SHC3: variants seen among roughly 807,000 people sequenced by gnomAD.
SHC3 encodes SHC adaptor protein 3, also known as SHC-transforming protein 3.
Under a neutral mutation model 60.4 loss-of-function variants are expected in SHC3, and 15 were observed. That is an observed-to-expected ratio of 0.25 (90% CI 0.17 to 0.38). The LOEUF is 0.38. SHC3 is among the 10% of genes least tolerant of loss of function. SHC3 has a pLI of 1.00. For missense variants in SHC3, 677 were observed against 786.1 expected (o/e 0.86, Z 1.66); for synonymous variants, 294 against 325.9 (o/e 0.90, Z 1.05).
chr9:89,052,903 C>T (rs568242316), intron 6 of SHC3, among the ~76,000 whole-genome samples: 7 of 152,306 alleles, frequency 4.6e-5, no homozygotes, highest in African/African-American at 1.7e-4. Flanking sequence ...AGTCCTTATG[C>T]TTGAAGCAGG....
At chr9:89,139,374 T>G (rs1448503456) in intron 1 of SHC3, among the ~76,000 whole-genome samples, 1 of 152,214 alleles carries the variant, frequency 6.6e-6, no homozygotes, top group Non-Finnish European at 1.5e-5. Context: ...ATGGTAAGAC[T>G]GTTTTGCTTT....
At chr9:89,173,444 T>C (rs541951910) in intron 1 of SHC3, among the ~76,000 whole-genome samples, 1 of 152,402 alleles carries the variant, frequency 6.6e-6, no homozygotes, top group East Asian at 1.9e-4. Flanking sequence ...TAAGACACCG[T>C]GCGGAGGCAG....
chr9:89,091,533 G>C (rs1013057722), intron 2 of SHC3, among the ~76,000 whole-genome samples: 4 of 152,206 alleles, frequency 2.6e-5, no homozygotes, highest in Admixed American at 1.3e-4. Context: ...CAGTGAAGGA[G>C]ATTGTCAAGA....
chr9:89,156,802 T>A lies in SHC3; in HGVS notation c.474+21185A>T, dbSNP rs369575202. Among the ~76,000 whole-genome samples, 7 of 152,190 alleles carry A rather than the reference T, an allele frequency of 4.6e-5. No homozygotes were observed. In the East Asian group the frequency reaches 1.4e-3, roughly 29 times the overall value. On this transcript the variant is annotated intron_variant, in intron 1 of 11. Coordinates refer to ENST00000375835, the MANE Select transcript of SHC3 (RefSeq NM_016848.6). Reference sequence around the variant, plus strand: ...AGGGGCCTGGAGAAGGTCATGCCTATGAACCAGAGCTCACCTTCTTTTCTG... The same window carrying A: ...AGGGGCCTGGAGAAGGTCATGCCTAAGAACCAGAGCTCACCTTCTTTTCTG...
intron 11 of SHC3, among the ~76,000 whole-genome samples, chr9:89,024,487 C>T (rs1826255331): frequency 6.6e-6 from 1 of 152,108 alleles, no homozygotes; most frequent in South Asian, 2.1e-4. Flanking sequence ...AGTGCAGTGA[C>T]AAGTGAGGAG....
chr9:89,051,009 G>T (rs573267252), intron 7 of SHC3, among the ~76,000 whole-genome samples: 1 of 151,894 alleles, frequency 6.6e-6, no homozygotes, highest in Non-Finnish European at 1.5e-5. Context: ...TCCTGCAGAG[G>T]CACCTCCAAA....
At chr9:89,066,545 C>A (rs1418850334) in intron 5 of SHC3, among the ~76,000 whole-genome samples, 2 of 152,086 alleles carry the variant, frequency 1.3e-5, no homozygotes, top group Non-Finnish European at 2.9e-5. Context: ...AATTCATAAA[C>A]AAATAAGCAG....
intron 2 of SHC3, among the ~76,000 whole-genome samples, chr9:89,094,005 G>GA (rs1825663453): frequency 1.3e-5 from 2 of 151,238 alleles, no homozygotes; most frequent in Admixed American, 1.3e-4. Context: ...TCAGGAGGCT[G>GA]AAGCAGGATA....
At chr9:89,169,208 T>G (rs1318186114) in intron 1 of SHC3, among the ~76,000 whole-genome samples, 1 of 152,218 alleles carries the variant, frequency 6.6e-6, no homozygotes, top group Non-Finnish European at 1.5e-5. Flanking sequence ...GAAGAGGCCC[T>G]GCCGGACACT....
intron 1 of SHC3, among the ~76,000 whole-genome samples, chr9:89,131,066 TA>T (rs1249993017): frequency 6.6e-6 from 1 of 151,996 alleles, no homozygotes; most frequent in African/African-American, 2.4e-5. Context: ...TAAAAAATGA[TA>T]AAGGGGATAT....
intron 4 of SHC3, among the ~76,000 whole-genome samples, chr9:89,074,428 T>G (rs1226392358): frequency 6.6e-6 from 1 of 152,112 alleles, no homozygotes; most frequent in Non-Finnish European, 1.5e-5. Flanking sequence ...AAGTGCCTTG[T>G]TGGTAGCTAA....
chr9:89,120,525 G>A (rs113002705), intron 1 of SHC3, among the ~76,000 whole-genome samples: 7 of 152,286 alleles, frequency 4.6e-5, no homozygotes, highest in Non-Finnish European at 8.8e-5. Flanking sequence ...CCAGCAGAAT[G>A]GTCAAATTTG....
chr9:89,027,781 G>A (rs1361082289), intron 11 of SHC3, among the ~76,000 whole-genome samples: 1 of 152,160 alleles, frequency 6.6e-6, no homozygotes, highest in Non-Finnish European at 1.5e-5. Context: ...CAGAAAAGAT[G>A]GAAGTATATT....
chr9:89,145,322 C>T lies in SHC3; in HGVS notation c.474+32665G>A, dbSNP rs74412956. 5.7e-3 allele frequency among the ~76,000 whole-genome samples: 872 copies of T among 152,292 alleles called. 11 individuals carry two copies. The highest frequency in any genetic ancestry group is 0.026 in the Admixed American group (401 of 15,296). On this transcript the variant is annotated intron_variant, in intron 1 of 11. Coordinates refer to ENST00000375835, the MANE Select transcript of SHC3 (RefSeq NM_016848.6). ...AAAGTAAAAGTTGCCAAGAGAATGC[C>T]TTGTATAGATGGACTTCATTCTGCT...
intron 5 of SHC3, among the ~76,000 whole-genome samples, chr9:89,067,305 G>A (rs1298328560): frequency 1.3e-5 from 2 of 152,246 alleles, no homozygotes; most frequent in African/African-American, 2.4e-5. Context: ...TAGATTTCAA[G>A]CTGAAATTCA....
chr9:89,050,367 C>A (rs959049579), intron 7 of SHC3, among the ~76,000 whole-genome samples: 2 of 152,202 alleles, frequency 1.3e-5, no homozygotes, highest in Non-Finnish European at 2.9e-5. Flanking sequence ...CTTACTGCAA[C>A]CGCCACCTCC....
chr9:89,132,333 C>T (rs1158076375), intron 1 of SHC3, among the ~76,000 whole-genome samples: 2 of 152,138 alleles, frequency 1.3e-5, no homozygotes, highest in Admixed American at 1.3e-4. Flanking sequence ...GGCCATACTG[C>T]CCAAGGTAAT....
chr9:89,162,684 C>G (rs1236899154), intron 1 of SHC3, among the ~76,000 whole-genome samples: 1 of 150,128 alleles, frequency 6.7e-6, no homozygotes, highest in Non-Finnish European at 1.5e-5. Flanking sequence ...TAGGCATGGT[C>G]AAGGACTTCA....
intron 7 of SHC3, among the ~76,000 whole-genome samples, chr9:89,047,223 CT>C (rs940726256): frequency 2.4e-4 from 37 of 152,306 alleles, no homozygotes; most frequent in African/African-American, 8.7e-4. Context: ...GAAGGATGTC[CT>C]TTTGTAAAAG....
Sources: gnomAD v4.1 joint callset for allele counts (sites outside exome capture counted in the v4.1 genomes callset) on GRCh38, gnomAD v4.1.1 for gene constraint, MANE v1.5 for transcripts, NCBI Gene and HGNC (gene_info 2026-07-23, HGNC 2026-07-21) for gene names.